The following ADH7 variants were observed in gnomAD, a reference collection of about 807,000 sequenced individuals.
ADH7 encodes the protein alcohol dehydrogenase 7 (class IV), mu or sigma polypeptide, also known as all-trans-retinol dehydrogenase [NAD(+)] ADH7.
In ADH7, 41 loss-of-function variants were observed where a neutral mutation model predicts 34.4. The ratio of observed to expected loss-of-function variants is 1.19; its 90% CI spans 0.93 to 1.55. The LOEUF (loss-of-function observed/expected upper bound fraction) is 1.55. Among genes scored for constraint, ADH7 ranks in the 40% most tolerant of loss-of-function variants. The pLI, the probability that ADH7 is intolerant of heterozygous loss-of-function variation, is 0.00. For synonymous variants in ADH7, 180 were observed against 160.9 expected (o/e 1.12, Z -0.90); for missense variants, 540 against 461.2 (o/e 1.17, Z -1.56).
At chr4:99,423,738 T>G (rs1456285592) in intron 5 of ADH7, among the ~76,000 whole-genome samples, 2 of 152,138 alleles carry the variant, frequency 1.3e-5, no homozygotes, top group Non-Finnish European at 2.9e-5. Context: ...TGTTTTTTTC[T>G]TGTAAATTTG....
At position 99,420,683 on chromosome 4, in the gene ADH7, G is replaced by A; in HGVS notation, c.675C>T (p.Asn225=). The A allele has an allele frequency of 2.5e-6, 4 of 1,613,898 alleles. No homozygotes were observed. Among genetic ancestry groups the A allele is most frequent in the Non-Finnish European group, 3.4e-6 (4 of 1,179,926 alleles). ...CCATGGCCTTCTCAAATTTGTCTTT[G>A]TTGAGGTCAATCCCAATGATCCTAG... is the stretch of plus-strand genomic sequence containing the variant. The part of the protein sequence containing the change: ...GASRIIGIDL[N]KDKFEKAMAV... The change falls in exon 6 of 9, where the codon AAC becomes AAT. Residue 225 remains asparagine, a synonymous_variant. Coordinates refer to ENST00000437033, the MANE Select transcript of ADH7 (RefSeq NM_000673.7).
chr4:99,416,173 TA>T (rs1173502203), intron 7 of ADH7, among the ~76,000 whole-genome samples: 2 of 152,010 alleles, frequency 1.3e-5, no homozygotes, highest in Admixed American at 6.6e-5. Flanking sequence ...AAACAAAGGT[TA>T]AAAAAACTCT....
At chr4:99,428,261 G>C (rs1022834811) in intron 3 of ADH7, 87 bp from the exon 4 acceptor site, 1 of 1,361,556 alleles carries the variant, frequency 7.3e-7, no homozygotes. Context: ...CATACTATAG[G>C]TAAAACTTTT....
chr4:99,433,230 T>C (rs574554842), intron 1 of ADH7, among the ~76,000 whole-genome samples: 3 of 152,230 alleles, frequency 2.0e-5, no homozygotes, highest in South Asian at 4.1e-4. Context: ...GGAAAATACA[T>C]AAACAATAAT....
chr4:99,430,091 A>G (rs138710341), intron 1 of ADH7: 1 of 153,292 alleles, frequency 6.5e-6, no homozygotes, highest in East Asian at 1.9e-4. Context: ...AGTATTTAAT[A>G]GCTGCATATA....
At chr4:99,420,973 T>C (rs535096496) in intron 5 of ADH7, among the ~76,000 whole-genome samples, 180 bp from the exon 6 acceptor site, 2 of 152,292 alleles carry the variant, frequency 1.3e-5, no homozygotes, top group East Asian at 3.9e-4. Context: ...CAAGGAGAAT[T>C]ACAAACCACT....
Position 99,428,607 on chromosome 4 carries a change from G to T in ADH7, c.144C>A (p.Arg48=). The part of the protein sequence containing the change: ...RIKILATGIC[R]TDDHVIKGTM... ...TTCCTTTTATCACATGGTCATCTGT[G>T]CGACAGATTCCTGTGGCCAAAATCT... Residue 48 remains arginine, a synonymous_variant, in exon 3 of 9, where the codon CGC becomes CGA. Transcript: ENST00000437033. The T allele has an allele frequency of 6.2e-7, 1 of 1,613,156 alleles. No homozygotes were observed. Among genetic ancestry groups the T allele is most frequent in the Non-Finnish European group, 8.5e-7 (1 of 1,179,726 alleles).
At chr4:99,433,212 T>C (rs770095977) in intron 1 of ADH7, among the ~76,000 whole-genome samples, 3 of 152,112 alleles carry the variant, frequency 2.0e-5, no homozygotes, top group African/African-American at 7.2e-5. Context: ...CACAGCACTA[T>C]TTACAAAGGA....
chr4:99,427,641 T>C, intron 5 of ADH7, 132 bp downstream of exon 5: 1 of 561,984 alleles, frequency 1.8e-6, no homozygotes, highest in Non-Finnish European at 2.7e-6. Context: ...TGGCATTGTG[T>C]TGCTTGGCAG....
chr4:99,424,238 ATC>A (rs1189272013), intron 5 of ADH7, among the ~76,000 whole-genome samples: 1 of 152,176 alleles, frequency 6.6e-6, no homozygotes, highest in African/African-American at 2.4e-5. Context: ...ATTGATCTAC[ATC>A]TCTGTTTTGG....
chr4:99,435,182 C>G (rs1356306554), intron 1 of ADH7, 34 bp downstream of exon 1: 1 of 1,606,146 alleles, frequency 6.2e-7, no homozygotes, highest in African/African-American at 1.3e-5. Flanking sequence ...ATCATTAGGT[C>G]ATGATGAGGA....
intron 8 of ADH7, 173 bp downstream of exon 8, chr4:99,415,305 T>G: frequency 1.5e-6 from 1 of 685,328 alleles, no homozygotes. Context: ...TTTTTTTTTA[T>G]AGTAGTATGA....
intron 2 of ADH7, 53 bp downstream of exon 2, chr4:99,429,479 C>T: frequency 7.5e-7 from 1 of 1,329,076 alleles, no homozygotes; most frequent in Middle Eastern, 1.8e-4. Flanking sequence ...GTGCTATATT[C>T]AATATAAGTT....
chr4:99,427,667 C>T (rs1721838958), intron 5 of ADH7, 106 bp downstream of exon 5: 1 of 851,474 alleles, frequency 1.2e-6, no homozygotes, highest in African/African-American at 1.8e-5. Context: ...ATATGCAATA[C>T]ATTCTTTTAA....
At chr4:99,417,264 A>C (rs1351395499) in intron 7 of ADH7, among the ~76,000 whole-genome samples, 2 of 152,108 alleles carry the variant, frequency 1.3e-5, no homozygotes, top group African/African-American at 4.8e-5. Flanking sequence ...GCAATGGCCC[A>C]AAGGCCCCAT....
rs926696530 is a variant in ADH7, at chr4:99,420,621, G to A, written c.737C>T (p.Ser246Phe). Reference sequence around the variant, plus strand: ...CAGCACCTCACTGATGGGTTTGGTAGAGTCCTTGGGACTGATACACTCAGT... The same window carrying A: ...CAGCACCTCACTGATGGGTTTGGTAAAGTCCTTGGGACTGATACACTCAGT... ...GATECISPKD[S>F]TKPISEVLSE... Residue 246 changes from serine (S) to phenylalanine (F), a missense_variant, in exon 6 of 9, where the codon TCT becomes TTT. Coordinates refer to ENST00000437033, the MANE Select transcript of ADH7 (RefSeq NM_000673.7). The A allele has an allele frequency of 1.2e-6, 2 of 1,613,800 alleles. No homozygotes were observed. The highest frequency in any genetic ancestry group is 2.7e-5 in the African/African-American group (2 of 74,876).
chr4:99,414,953 T>C (rs28418615), intron 8 of ADH7, among the ~76,000 whole-genome samples: 13,326 of 152,172 alleles, frequency 0.088, 1,957 homozygotes, highest in African/African-American at 0.3. Context: ...AAGTTGGTGA[T>C]ATGGTTAGAC....
intron 5 of ADH7, among the ~76,000 whole-genome samples, chr4:99,423,275 C>T (rs1721714166): frequency 6.7e-6 from 1 of 149,212 alleles, no homozygotes; most frequent in Non-Finnish European, 1.5e-5. Context: ...TCCAGTCTAT[C>T]ATTGTTGGAC....
intron 5 of ADH7, among the ~76,000 whole-genome samples, chr4:99,422,984 G>A (rs1721703029): frequency 1.4e-5 from 2 of 139,798 alleles, no homozygotes; most frequent in East Asian, 2.2e-4. Flanking sequence ...CCATTAACTT[G>A]TCATTTAGCA....
Sources: allele counts gnomAD v4.1 joint callset (sites outside exome capture counted in the v4.1 genomes callset), GRCh38; gene constraint gnomAD v4.1.1; transcripts MANE v1.5; gene names NCBI Gene and HGNC (gene_info 2026-07-23, HGNC 2026-07-21).